CDK14: variants seen among roughly 807,000 people sequenced by gnomAD.
CDK14 encodes cyclin-dependent kinase 14.
CDK14 carries 34 observed loss-of-function variants against 60.7 expected under a neutral mutation model. That is an observed-to-expected ratio of 0.56 (90% CI 0.43 to 0.75). CDK14 has a LOEUF of 0.75. Among genes scored for constraint, CDK14 ranks in the 30% least tolerant of loss-of-function variants. The pLI, the probability that CDK14 is intolerant of heterozygous loss-of-function variation, is 0.00. For missense variants in CDK14, 482 were observed against 564.1 expected (o/e 0.85, Z 1.47); for synonymous variants, 197 against 203.7 (o/e 0.97, Z 0.28).
intron 12 of CDK14, among the ~76,000 whole-genome samples, chr7:91,086,430 C>T (rs1798642241): frequency 6.6e-6 from 1 of 152,112 alleles, no homozygotes; most frequent in Non-Finnish European, 1.5e-5. Flanking sequence ...CTGTTGGGAA[C>T]TGTTAGGGGT....
chr7:90,661,588 C>T (rs554589579), intron 2 of CDK14, among the ~76,000 whole-genome samples: 7 of 152,236 alleles, frequency 4.6e-5, no homozygotes, highest in African/African-American at 1.7e-4. Context: ...TGGCATTAAC[C>T]CAAATTCTCA....
At chr7:90,651,251 A>G (rs1800632750) in intron 2 of CDK14, among the ~76,000 whole-genome samples, 1 of 152,044 alleles carries the variant, frequency 6.6e-6, no homozygotes, top group South Asian at 2.1e-4. Context: ...TGATTTGTCT[A>G]GCCTATAGTT....
At chr7:91,066,295 A>C (rs1797978451) in intron 11 of CDK14, among the ~76,000 whole-genome samples, 1 of 152,200 alleles carries the variant, frequency 6.6e-6, no homozygotes. Context: ...CATTTGCAAA[A>C]GATCTACTGA....
chr7:91,093,276 A>T (rs1436606005), intron 12 of CDK14, among the ~76,000 whole-genome samples: 1 of 152,186 alleles, frequency 6.6e-6, no homozygotes, highest in African/African-American at 2.4e-5. Flanking sequence ...TGCGTTGATC[A>T]ATCTGGACCT....
At chr7:90,612,331 A>G (rs540986303) in intron 2 of CDK14, among the ~76,000 whole-genome samples, 19 of 152,144 alleles carry the variant, frequency 1.2e-4, no homozygotes, top group Non-Finnish European at 2.1e-4. Flanking sequence ...TCATGCATCA[A>G]ATGACGTTTG....
chr7:91,100,100 A>T (rs1280240951), intron 12 of CDK14, among the ~76,000 whole-genome samples: 1 of 152,110 alleles, frequency 6.6e-6, no homozygotes, highest in Non-Finnish European at 1.5e-5. Flanking sequence ...AAATCTAGGG[A>T]TCTTTTCTAA....
chr7:90,610,339 T>C (rs1180727168), intron 2 of CDK14, among the ~76,000 whole-genome samples: 2 of 152,192 alleles, frequency 1.3e-5, no homozygotes, highest in East Asian at 1.9e-4. Flanking sequence ...TAAATAAATT[T>C]ATCATTTCCA....
chr7:91,166,599 C>T (rs1055373507), intron 14 of CDK14, among the ~76,000 whole-genome samples: 4 of 152,104 alleles, frequency 2.6e-5, no homozygotes, highest in Non-Finnish European at 4.4e-5. Context: ...AATGCAGAGC[C>T]TTATGCTTTT....
At chr7:90,850,867 C>T (rs763639260) in intron 5 of CDK14, among the ~76,000 whole-genome samples, 2 of 152,072 alleles carry the variant, frequency 1.3e-5, no homozygotes, top group Non-Finnish European at 2.9e-5. Context: ...TTTAGCTCCC[C>T]CTTTACTTAT....
intron 7 of CDK14, 54 bp downstream of exon 7, chr7:90,899,407 G>T (rs1196360155): frequency 5.2e-6 from 7 of 1,355,448 alleles, no homozygotes; most frequent in Non-Finnish European, 5.0e-6. Flanking sequence ...TGTATTTTTT[G>T]AACTGAAGTC....
intron 10 of CDK14, among the ~76,000 whole-genome samples, chr7:91,005,134 G>A (rs191383480): frequency 1.1e-3 from 173 of 152,332 alleles, no homozygotes; most frequent in African/African-American, 4.1e-3. Flanking sequence ...GCTCACTGGT[G>A]GCTTCCCTCT....
At chr7:90,637,506 G>T (rs561998229) in intron 2 of CDK14, among the ~76,000 whole-genome samples, 2 of 151,608 alleles carry the variant, frequency 1.3e-5, no homozygotes, top group Non-Finnish European at 3.0e-5. Context: ...GAGATAGTTT[G>T]TTATAATTTC....
intron 9 of CDK14, among the ~76,000 whole-genome samples, chr7:90,958,799 A>G (rs1314281237): frequency 6.6e-6 from 1 of 151,752 alleles, no homozygotes; most frequent in Admixed American, 6.6e-5. Context: ...TCAGTTAGGG[A>G]CTCTGCTAAT....
chr7:91,111,065 C>G (rs944523538), intron 12 of CDK14, among the ~76,000 whole-genome samples: 6 of 152,138 alleles, frequency 3.9e-5, no homozygotes, highest in Non-Finnish European at 8.8e-5. Flanking sequence ...CAGTTAAAAC[C>G]AATCCATTGA....
chr7:90,811,942 G>A (rs1298732260), intron 5 of CDK14, among the ~76,000 whole-genome samples: 1 of 152,270 alleles, frequency 6.6e-6, no homozygotes, highest in South Asian at 2.1e-4. Flanking sequence ...AGTTAGAATT[G>A]CGATCATTAA....
At chr7:91,163,654 A>G (rs1197540261) in intron 14 of CDK14, among the ~76,000 whole-genome samples, 4 of 152,188 alleles carry the variant, frequency 2.6e-5, no homozygotes, top group Admixed American at 2.6e-4. Context: ...TACATAATAC[A>G]GTATTATTGA....
intron 14 of CDK14, among the ~76,000 whole-genome samples, chr7:91,181,717 T>C (rs564606336): frequency 6.6e-6 from 1 of 152,186 alleles, no homozygotes; most frequent in Non-Finnish European, 1.5e-5. Flanking sequence ...TGTGTTTTGA[T>C]TTATTGCAGT....
intron 14 of CDK14, among the ~76,000 whole-genome samples, chr7:91,124,327 TATTA>T (rs1357869765): frequency 1.3e-5 from 2 of 152,230 alleles, no homozygotes; most frequent in African/African-American, 4.8e-5. Flanking sequence ...TGCTTTATCA[TATTA>T]ATTCTCTCCG....
At chr7:90,605,931 G>C (rs977362259) in intron 2 of CDK14, among the ~76,000 whole-genome samples, 3 of 152,188 alleles carry the variant, frequency 2.0e-5, no homozygotes, top group African/African-American at 7.2e-5. Context: ...CCCAGCTGAA[G>C]GTTAAAGATG....
Sources: allele counts gnomAD v4.1 joint callset (sites outside exome capture counted in the v4.1 genomes callset), GRCh38; gene constraint gnomAD v4.1.1; transcripts MANE v1.5; gene names NCBI Gene and HGNC (gene_info 2026-07-23, HGNC 2026-07-21).